Variants in RNF32 observed in about 807,000 individuals in gnomAD.
RNF32 encodes ring finger protein 32.
A neutral mutation model predicts 41.0 loss-of-function variants in RNF32; 36 were observed. The observed-to-expected ratio is 0.88, with a 90% CI of 0.67 to 1.16. The LOEUF (loss-of-function observed/expected upper bound fraction) is 1.16, where lower values mean the gene tolerates loss of function less well. RNF32 is among the 50% of genes most tolerant of loss of function. RNF32 has a pLI of 0.00. For missense variants in RNF32, 413 were observed against 436.7 expected (o/e 0.95, Z 0.48); for synonymous variants, 154 against 160.9 (o/e 0.96, Z 0.32).
At chr7:156,640,302 ACCG>A (rs752982062), upstream of RNF32, 20 of 450,380 alleles carry the variant, frequency 4.4e-5, no homozygotes, top group South Asian at 3.0e-4. Context: ...GACCACAGCC[ACCG>A]CAGGGAAACA....
At chr7:156,661,588 T>A (rs1167675238) in intron 7 of RNF32, among the ~76,000 whole-genome samples, 1 of 152,222 alleles carries the variant, frequency 6.6e-6, no homozygotes, top group Non-Finnish European at 1.5e-5. Context: ...CCCAAAGTGC[T>A]GGGATTACAG....
chr7:156,665,672 T>C (rs1036615317), intron 7 of RNF32, among the ~76,000 whole-genome samples: 4 of 146,742 alleles, frequency 2.7e-5, no homozygotes, highest in Non-Finnish European at 5.9e-5. Context: ...TCAGCTCCCC[T>C]GACTCTCTGT....
chr7:156,641,763 G>T (rs1274983086), intron 1 of RNF32, among the ~76,000 whole-genome samples: 1 of 152,160 alleles, frequency 6.6e-6, no homozygotes, highest in East Asian at 1.9e-4. Flanking sequence ...TAGGCATTTT[G>T]GAAGCAGGAA....
intron 7 of RNF32, among the ~76,000 whole-genome samples, chr7:156,667,556 C>G (rs1022991364): frequency 1.3e-5 from 2 of 152,158 alleles, no homozygotes; most frequent in Non-Finnish European, 2.9e-5. Context: ...TGTTTAAAAA[C>G]TAGAAGTCAG....
At chr7:156,646,636 T>C (rs1055002599) in intron 3 of RNF32, 1 of 534,468 alleles carries the variant, frequency 1.9e-6, no homozygotes, top group African/African-American at 2.0e-5. Context: ...AACTTCCATT[T>C]AGATTAGGCA....
At chr7:156,659,669 GA>G in intron 7 of RNF32, 1 of 922,086 alleles carries the variant, frequency 1.1e-6, no homozygotes, top group Non-Finnish European at 1.3e-6. Context: ...AAGAACTCTT[GA>G]AGATAAAGGC....
chr7:156,653,001 A>G (rs77244619), intron 3 of RNF32, among the ~76,000 whole-genome samples: 2,851 of 152,268 alleles, frequency 0.019, 89 homozygotes, highest in African/African-American at 0.066. Flanking sequence ...AAGAAAATAT[A>G]TTTTTATAAA....
chr7:156,652,748 A>G (rs1163213428), intron 3 of RNF32, among the ~76,000 whole-genome samples: 1 of 152,192 alleles, frequency 6.6e-6, no homozygotes, highest in East Asian at 1.9e-4. Flanking sequence ...ATAAGAAAGA[A>G]AATATTTTGT....
At chr7:156,657,377 T>C (rs915001845) in intron 4 of RNF32, 164 bp from the exon 5 acceptor site, 1 of 664,932 alleles carries the variant, frequency 1.5e-6, no homozygotes, top group African/African-American at 1.8e-5. Context: ...TATATACTTG[T>C]GCTGTGCTAA....
In RNF32 at chr7:156,669,941, AAAAG is replaced by A. The variant is rs1381911313; in HGVS notation, c.685-5747_685-5744del. On this transcript the variant is annotated intron_variant, in intron 7 of 8. Coordinates refer to ENST00000317955, the MANE Select transcript of RNF32 (RefSeq NM_030936.4). The surrounding 1 kb of genome is among the most constrained non-coding windows in gnomAD (Gnocchi z 4.2). ...GAAAATGAAACACAGATCCCTGTTT[AAAAG>A]AAAGAAAACATGGGAAAGTGCCATC... 1.3e-5 allele frequency among the ~76,000 whole-genome samples: 2 copies of A among 152,224 alleles called. No individual in the cohort carries two copies. Among genetic ancestry groups the A allele is most frequent in the African/African-American group, 4.8e-5 (2 of 41,454 alleles).
chr7:156,675,938 G>A (rs1803859695), intron 8 of RNF32, 75 bp downstream of exon 8: 6 of 1,433,464 alleles, frequency 4.2e-6, no homozygotes, highest in Non-Finnish European at 5.8e-6. Flanking sequence ...GGCATGTGGG[G>A]GGAGGTCGAG....
rs184284282 is a variant in RNF32, at chr7:156,649,770, C to A, written c.275-4806C>A. Among the ~76,000 whole-genome samples the A allele has an allele frequency of 2.7e-4, 41 of 152,314 alleles. 1 individual carries two copies. Among genetic ancestry groups the A allele is most frequent in the African/African-American group, 8.9e-4 (37 of 41,564 alleles). ...TCGTGCATAGCTTGAATAAACCCTA[C>A]TTGCCCACGGTGTTTTTCACATTCA... On this transcript the variant is annotated intron_variant, in intron 3 of 8. Coordinates refer to ENST00000317955, the MANE Select transcript of RNF32 (RefSeq NM_030936.4).
At chr7:156,661,413 G>A (rs542960339) in intron 7 of RNF32, among the ~76,000 whole-genome samples, 9 of 151,390 alleles carry the variant, frequency 5.9e-5, no homozygotes, top group African/African-American at 1.9e-4. Context: ...ATCGTTTCCC[G>A]AGTTCAAGCA....
rs766800480 is a variant in RNF32 at position 156,675,811 on chromosome 7, A to T, written c.800A>T (p.Glu267Val). Residue 267 changes from glutamate (E) to valine (V), a missense_variant, in exon 8 of 9, where the codon GAA (glutamate) becomes GTA (valine). Coordinates refer to ENST00000317955, the MANE Select transcript of RNF32 (RefSeq NM_030936.4). Reference sequence around the variant, plus strand: ...CGAAGTGTTCTTCAGCAGTTGGAAGAAAAATGTGGCCATGAGATCACAGAA... The same window carrying T: ...CGAAGTGTTCTTCAGCAGTTGGAAGTAAAATGTGGCCATGAGATCACAGAA... ...INRSVLQQLE[E>V]KCGHEITEEE... 3 of 1,614,142 alleles carry T rather than the reference A, an allele frequency of 1.9e-6. No individual in the cohort carries two copies. The highest frequency in any genetic ancestry group is 2.5e-6 in the Non-Finnish European group (3 of 1,179,984).
chr7:156,655,362 G>C (rs1799484682), intron 4 of RNF32, among the ~76,000 whole-genome samples: 1 of 151,868 alleles, frequency 6.6e-6, no homozygotes, highest in Admixed American at 6.6e-5. Context: ...CTAAACTATT[G>C]TCCCCTGAAG....
rs1305575744 is a variant in RNF32, at chr7:156,646,706, A to G, written c.274+1949A>G. The G allele has an allele frequency of 2.3e-5, 8 of 351,092 alleles. No individual in the cohort carries two copies. In the East Asian group the frequency reaches 5.4e-4, roughly 24 times the overall value. The allele number at this position is 351,092 out of a possible 1,614,324, so 21.7% of individuals were successfully genotyped here. On this transcript the variant is annotated intron_variant, in intron 3 of 8. Coordinates refer to ENST00000317955, the MANE Select transcript of RNF32 (RefSeq NM_030936.4). ...GTCTGGAAGACTTTTTCACAGCATC[A>G]AGCTAAGTACTTTTCATACTTTGTT... is the stretch of plus-strand genomic sequence containing the variant.
At chr7:156,657,600 G>A (rs1282274825) in intron 5 of RNF32, 27 bp downstream of exon 5, 2 of 1,611,360 alleles carry the variant, frequency 1.2e-6, no homozygotes, top group Non-Finnish European at 1.7e-6. Context: ...CGCCTGCCCA[G>A]GTGCTGCACA....
rs1023422573 is a variant in RNF32 at position 156,676,185 on chromosome 7, AT to A, written c.853-233del. 4.1e-5 allele frequency: 54 copies of A among 1,301,380 alleles called. No individual in the cohort carries two copies. In the Admixed American group the frequency reaches 9.1e-4, roughly 22 times the overall value. The allele number at this position is 1,301,380 out of a possible 1,614,324, so 80.6% of individuals were successfully genotyped here. On this transcript the variant is annotated intron_variant, in intron 8 of 8. Transcript: ENST00000317955. Reference sequence around the variant, plus strand: ...TGGAAGTTCCTGTTGGATGTTGCTTATCACAGGTGGGTTACTAACCCTTTCC... The same window carrying A: ...TGGAAGTTCCTGTTGGATGTTGCTTACACAGGTGGGTTACTAACCCTTTCC...
intron 1 of RNF32, among the ~76,000 whole-genome samples, chr7:156,643,580 G>A (rs1797636864): frequency 6.6e-6 from 1 of 152,160 alleles, no homozygotes; most frequent in Admixed American, 6.5e-5. Flanking sequence ...TGTGTCCTCA[G>A]GAGCTCAGGG....
Sources: gnomAD v4.1 joint callset for allele counts (sites outside exome capture counted in the v4.1 genomes callset) on GRCh38, gnomAD v4.1.1 for gene constraint, Gnocchi (gnomAD v3.1) non-coding constraint, MANE v1.5 for transcripts, NCBI Gene and HGNC (gene_info 2026-07-23, HGNC 2026-07-21) for gene names.